Variants in STPG4 observed in about 807,000 individuals in gnomAD.
STPG4 encodes sperm-tail PG-rich repeat containing 4.
STPG4 carries 41 observed loss-of-function variants against 31.5 expected under a neutral mutation model. The ratio of observed to expected loss-of-function variants is 1.30; its 90% CI spans 1.01 to 1.69. The LOEUF (loss-of-function observed/expected upper bound fraction) is 1.69, where lower values mean the gene tolerates loss of function less well. STPG4 is among the 40% of genes most tolerant of loss of function. STPG4 has a pLI of 0.00. For synonymous variants in STPG4, 141 were observed against 103.0 expected (o/e 1.37, Z -2.24); for missense variants, 375 against 293.4 (o/e 1.28, Z -2.03).
intron 3 of STPG4, among the ~76,000 whole-genome samples, chr2:47,134,538 A>G (rs1553428280): frequency 6.6e-6 from 1 of 152,128 alleles, no homozygotes; most frequent in African/African-American, 2.4e-5. Context: ...TTCATAGCTC[A>G]TTTCTTTTTA....
chr2:47,087,817 C>T lies in STPG4; in HGVS notation c.625-687G>A, dbSNP rs539737854. Among the ~76,000 whole-genome samples, 6 of 152,248 alleles carry T rather than the reference C, an allele frequency of 3.9e-5. No individual in the cohort carries two copies. In the East Asian group the frequency reaches 9.6e-4, roughly 24 times the overall value. ...GGCTGGAGTGTAGTGCGCGCTATCT[C>T]GGCTCACTGCAATCTCTGCCTCCCG... On this transcript the variant is annotated intron_variant, in intron 6 of 6. Transcript: ENST00000445927.
chr2:47,151,993 G>A (rs1269840070), intron 2 of STPG4, among the ~76,000 whole-genome samples: 1 of 150,430 alleles, frequency 6.6e-6, no homozygotes, highest in Non-Finnish European at 1.5e-5. Flanking sequence ...TAGATCTCCT[G>A]ACCTTGTGAT....
intron 5 of STPG4, among the ~76,000 whole-genome samples, chr2:47,090,635 C>A (rs960027556): frequency 6.6e-6 from 1 of 152,148 alleles, no homozygotes; most frequent in Non-Finnish European, 1.5e-5. Flanking sequence ...CTTCTCCCTG[C>A]CAGGGTCCCT....
chr2:47,103,136 C>T (rs1014702386), intron 5 of STPG4, among the ~76,000 whole-genome samples: 2 of 151,894 alleles, frequency 1.3e-5, no homozygotes, highest in Admixed American at 1.3e-4. Flanking sequence ...TGACTCATAT[C>T]ATGGGGACTG....
At chr2:47,089,649 G>T (rs940445057) in intron 6 of STPG4, among the ~76,000 whole-genome samples, 1 of 137,708 alleles carries the variant, frequency 7.3e-6, no homozygotes, top group Non-Finnish European at 1.6e-5. Context: ...ACTGTCTTTT[G>T]ACATTAAAAA....
rs773430353 is a variant in STPG4, at chr2:47,152,970, C to G, written c.128G>C (p.Arg43Thr). ...CAATGTACATACTGTTAATGCTATT[C>G]TCCACCATCCTTCTCTTTCAAAAGA... ...TSSFEREGWW[R>T]IALTDTPIPG... The change falls in exon 2 of 7, where the codon AGA (arginine) becomes ACA (threonine). Residue 43 changes from arginine to threonine, a missense_variant. Arg to Thr is a moderately conservative substitution (Grantham distance 71, BLOSUM62 -1). Transcript: ENST00000445927. 1 of 1,610,294 alleles carries G rather than the reference C, an allele frequency of 6.2e-7. No individual in the cohort carries two copies. Among genetic ancestry groups the G allele is most frequent in the South Asian group, 1.1e-5 (1 of 90,674 alleles).
At chr2:47,109,569 A>G (rs1685995839) in intron 5 of STPG4, among the ~76,000 whole-genome samples, 1 of 152,022 alleles carries the variant, frequency 6.6e-6, no homozygotes, top group East Asian at 1.9e-4. Flanking sequence ...AAAAAAAAAA[A>G]AAAAAAATTC....
chr2:47,096,310 G>A (rs573096550), intron 5 of STPG4, among the ~76,000 whole-genome samples: 3 of 152,284 alleles, frequency 2.0e-5, no homozygotes, highest in Admixed American at 6.5e-5. Context: ...GGTCCGAGAC[G>A]CCTCTCAAGG....
At chr2:47,107,422 G>A (rs187046185) in intron 5 of STPG4, among the ~76,000 whole-genome samples, 5,846 of 152,262 alleles carry the variant, frequency 0.038, 419 homozygotes, top group African/African-American at 0.13. Flanking sequence ...CTTAGCACCC[G>A]GGCCAGCGGC....
At chr2:47,103,365 C>T (rs1685839649) in intron 5 of STPG4, among the ~76,000 whole-genome samples, 1 of 151,892 alleles carries the variant, frequency 6.6e-6, no homozygotes, top group African/African-American at 2.4e-5. Context: ...ATTACCCAAT[C>T]AGCCGCAGAT....
intron 5 of STPG4, among the ~76,000 whole-genome samples, chr2:47,103,867 G>C (rs1188002383): frequency 2.0e-5 from 3 of 151,816 alleles, no homozygotes; most frequent in Non-Finnish European, 2.9e-5. Flanking sequence ...CTTCCTCCTG[G>C]ACACTGGCAC....
chr2:47,145,622 T>C (rs368199927), intron 3 of STPG4, among the ~76,000 whole-genome samples: 9 of 152,316 alleles, frequency 5.9e-5, no homozygotes, highest in African/African-American at 2.2e-4. Context: ...GACAATCACA[T>C]ACACATAAGA....
intron 3 of STPG4, among the ~76,000 whole-genome samples, chr2:47,135,090 A>G (rs7596354): frequency 0.44 from 66,984 of 152,114 alleles, 15,834 homozygotes; most frequent in East Asian, 0.75. Context: ...TATTTTGGTC[A>G]ACAGTTCTTT....
chr2:47,151,013 G>A (rs1686923963), intron 3 of STPG4, among the ~76,000 whole-genome samples: 1 of 152,044 alleles, frequency 6.6e-6, no homozygotes, highest in Non-Finnish European at 1.5e-5. Flanking sequence ...ATCCCACCAA[G>A]AGTTGCCCAA....
rs186327986 is a variant in STPG4, at chr2:47,103,523, G to A, written c.520-13149C>T. Among the ~76,000 whole-genome samples, 11 of 152,078 alleles carry A rather than the reference G, an allele frequency of 7.2e-5. No individual in the cohort carries two copies. The East Asian group carries it at 1.9e-3, about 27-fold the overall frequency. On this transcript the variant is annotated intron_variant, in intron 5 of 6. Coordinates refer to ENST00000445927, the MANE Select transcript of STPG4 (RefSeq NM_001163561.2). ...AGATCAGAGAAAGGCCACAGCCTTA[G>A]TCATGGCCCTCAGACAGACAAACCT...
chr2:47,092,615 G>A (rs1363393774), intron 5 of STPG4, among the ~76,000 whole-genome samples: 1 of 127,668 alleles, frequency 7.8e-6, no homozygotes, highest in Non-Finnish European at 1.6e-5. Context: ...GAGGGGAGAG[G>A]AGGAGAAAGG....
intron 3 of STPG4, among the ~76,000 whole-genome samples, chr2:47,142,612 T>C (rs1686737766): frequency 6.6e-6 from 1 of 152,134 alleles, no homozygotes. Context: ...AATAGTCTCC[T>C]TGCTCCCTAT....
chr2:47,150,094 A>T (rs1686905571), intron 3 of STPG4, among the ~76,000 whole-genome samples: 1 of 152,246 alleles, frequency 6.6e-6, no homozygotes, highest in Admixed American at 6.5e-5. Flanking sequence ...TCTTGCATGT[A>T]AAATGGAGTT....
At chr2:47,131,505 A>G (rs1205046053) in intron 3 of STPG4, among the ~76,000 whole-genome samples, 1 of 152,228 alleles carries the variant, frequency 6.6e-6, no homozygotes, top group Non-Finnish European at 1.5e-5. Context: ...AAAGCGCAGC[A>G]CTAGTACTAG....
Sources: gnomAD v4.1 joint callset for allele counts (sites outside exome capture counted in the v4.1 genomes callset) on GRCh38, gnomAD v4.1.1 for gene constraint, MANE v1.5 for transcripts, NCBI Gene and HGNC (gene_info 2026-07-23, HGNC 2026-07-21) for gene names.